The following COP1 variants were observed in gnomAD, a reference collection of about 807,000 sequenced individuals.
COP1 encodes the protein E3 ubiquitin-protein ligase COP1.
Under a neutral mutation model 101.3 loss-of-function variants are expected in COP1, and 24 were observed. The ratio of observed to expected loss-of-function variants is 0.24; its 90% CI spans 0.17 to 0.33. The LOEUF (loss-of-function observed/expected upper bound fraction) is 0.33. Among genes scored for constraint, COP1 ranks in the 10% least tolerant of loss-of-function variants. The pLI, the probability that COP1 is intolerant of heterozygous loss-of-function variation, is 1.00. For missense variants in COP1, 663 were observed against 906.2 expected (o/e 0.73, Z 3.45); for synonymous variants, 347 against 341.9 (o/e 1.01, Z -0.17).
chr1:176,043,146 C>A, intron 14 of COP1, 40 bp downstream of exon 14: 1 of 1,218,504 alleles, frequency 8.2e-7, no homozygotes, highest in Non-Finnish European at 1.2e-6. Flanking sequence ...TTAAGAGGGC[C>A]AGGGAGAAGG....
At position 176,022,344 on chromosome 1, in the gene COP1, G is replaced by A. The variant is rs114823654; in HGVS notation, c.1729+5228C>T. Among the ~76,000 whole-genome samples, 1,170 of 152,224 alleles carry A rather than the reference G, an allele frequency of 7.7e-3. 17 individuals carry two copies. Among genetic ancestry groups the A allele is most frequent in the African/African-American group, 0.026 (1,088 of 41,544 alleles). On this transcript the variant is annotated intron_variant, in intron 15 of 19. Transcript: ENST00000367669. The stretch of plus-strand genomic sequence containing the variant: ...AACAGGAAGTCAAACTATAATTGGT[G>A]GGTAGCTCATATACTAATTTTCTAC...
At chr1:175,981,242 G>C (rs1655782642) in intron 18 of COP1, among the ~76,000 whole-genome samples, 1 of 152,004 alleles carries the variant, frequency 6.6e-6, no homozygotes, top group Admixed American at 6.6e-5. Context: ...ATTTTCACTG[G>C]ATGTAGAATT....
At chr1:175,987,333 C>G (rs1300520446) in intron 17 of COP1, among the ~76,000 whole-genome samples, 2 of 152,122 alleles carry the variant, frequency 1.3e-5, no homozygotes, top group Non-Finnish European at 2.9e-5. Flanking sequence ...TACAACAATA[C>G]TGATAATTCT....
chr1:175,982,714 T>C (rs1656164666), intron 18 of COP1, among the ~76,000 whole-genome samples: 1 of 152,204 alleles, frequency 6.6e-6, no homozygotes, highest in Admixed American at 6.5e-5. Flanking sequence ...CTGTATATAA[T>C]GGAATACCAT....
intron 14 of COP1, among the ~76,000 whole-genome samples, chr1:176,037,530 A>G (rs1470804937): frequency 6.6e-6 from 1 of 152,040 alleles, no homozygotes; most frequent in Non-Finnish European, 1.5e-5. Flanking sequence ...AAAAAACAAC[A>G]AAAAAATTCA....
At chr1:175,978,320 A>C (rs1655043365) in intron 18 of COP1, among the ~76,000 whole-genome samples, 1 of 152,224 alleles carries the variant, frequency 6.6e-6, no homozygotes, top group South Asian at 2.1e-4. Context: ...TGAAAAATTT[A>C]AAATGTCAAC....
chr1:176,002,759 T>A (rs1330172351), intron 15 of COP1, among the ~76,000 whole-genome samples: 1 of 145,296 alleles, frequency 6.9e-6, no homozygotes, highest in Admixed American at 6.9e-5. Context: ...TCTATCATTG[T>A]TGGACATTTG....
At chr1:176,014,862 G>C (rs1665346728) in intron 15 of COP1, among the ~76,000 whole-genome samples, 1 of 152,082 alleles carries the variant, frequency 6.6e-6, no homozygotes, top group Non-Finnish European at 1.5e-5. Context: ...ATTATGCGCA[G>C]TTGTAAGGGA....
chr1:175,996,735 A>G (rs1310694364), intron 15 of COP1, among the ~76,000 whole-genome samples: 1 of 152,216 alleles, frequency 6.6e-6, no homozygotes, highest in African/African-American at 2.4e-5. Flanking sequence ...ACCACTGCTC[A>G]GTGAAATAAA....
intron 9 of COP1, among the ~76,000 whole-genome samples, chr1:176,098,804 G>A (rs1357525826): frequency 6.6e-6 from 1 of 152,020 alleles, no homozygotes; most frequent in East Asian, 1.9e-4. Context: ...TATTTAACAG[G>A]CTTCCCAAAA....
At chr1:176,019,577 A>G (rs6662293) in intron 15 of COP1, among the ~76,000 whole-genome samples, 148,249 of 150,532 alleles carry the variant, frequency 0.98, 73,053 homozygotes, top group East Asian at 1. Flanking sequence ...CATCACTAAC[A>G]GGGCCTGGCA....
intron 14 of COP1, among the ~76,000 whole-genome samples, chr1:176,031,761 T>C (rs1668680864): frequency 6.6e-6 from 1 of 152,182 alleles, no homozygotes; most frequent in African/African-American, 2.4e-5. Context: ...AACGTTAATG[T>C]GTAAAGTGTC....
In COP1 at chr1:176,155,566, C is replaced by T. The variant is rs191570436; in HGVS notation, c.763-6492G>A. Among the ~76,000 whole-genome samples the T allele has an allele frequency of 4.9e-4, 75 of 151,998 alleles. 1 individual carries two copies. Among genetic ancestry groups the T allele is most frequent in the African/African-American group, 1.8e-3 (73 of 41,520 alleles). ...AAAGGAAGGAGAGCAAAGGGCTGAACAAGTAATGGCTGACTATGTTCAAAA... is the reference window on the plus strand; with the variant it reads ...AAAGGAAGGAGAGCAAAGGGCTGAATAAGTAATGGCTGACTATGTTCAAAA... On this transcript the variant is annotated intron_variant, in intron 5 of 19. Transcript: ENST00000367669.
Position 176,195,433 on chromosome 1 carries a change from G to A in COP1, c.408-10741C>T, listed in dbSNP as rs143683297. On this transcript the variant is annotated intron_variant, in intron 1 of 19. Transcript: ENST00000367669. ...CAGTACAAGTATACAGAAAATGAAT[G>A]GGAGTATACTGAACTTAAATAACAC... 2.6e-3 allele frequency among the ~76,000 whole-genome samples: 399 copies of A among 152,192 alleles called. 3 individuals are homozygous for A. Among genetic ancestry groups the A allele is most frequent in the African/African-American group, 9.2e-3 (381 of 41,512 alleles).
intron 15 of COP1, among the ~76,000 whole-genome samples, chr1:176,025,844 C>A (rs781562680): frequency 6.6e-6 from 1 of 151,812 alleles, no homozygotes; most frequent in African/African-American, 2.4e-5. Flanking sequence ...GAGCTGTGAT[C>A]GTGCCACTGT....
In COP1 at chr1:176,091,300, T is replaced by C. The variant is rs191413708; in HGVS notation, c.1027-5410A>G. Among the ~76,000 whole-genome samples, 382 of 150,980 alleles carry C rather than the reference T, an allele frequency of 2.5e-3. 3 individuals are homozygous for C. Among genetic ancestry groups the C allele is most frequent in the African/African-American group, 8.9e-3 (364 of 41,058 alleles). ...TTGCAGAGAGCTGAGATCGTGCCAC[T>C]GTGCCACTGTACTCAAGCCTGGGCA... On this transcript the variant is annotated intron_variant, in intron 9 of 19. Transcript: ENST00000367669.
At position 176,081,265 on chromosome 1, in the gene COP1, C is replaced by A; in HGVS notation, c.1164G>T (p.Gln388His). ...RISDDSRTAS[Q>H]LDEFQECLSK... ...ACAAGCATTCCTGAAATTCATCCAACTGGCTTGCAGTTCGACTGTCATCTA... is the reference window on the plus strand; with the variant it reads ...ACAAGCATTCCTGAAATTCATCCAAATGGCTTGCAGTTCGACTGTCATCTA... Residue 388 changes from glutamine to histidine, a missense_variant, in exon 11 of 20, where the codon CAG (glutamine) becomes CAT (histidine). Physicochemically the swap from Gln to His is conservative, Grantham distance 24 (BLOSUM62 0). Coordinates refer to ENST00000367669, the MANE Select transcript of COP1 (RefSeq NM_022457.7). The A allele has an allele frequency of 1.3e-6, 2 of 1,599,052 alleles. No individual in the cohort carries two copies. Among genetic ancestry groups the A allele is most frequent in the Non-Finnish European group, 1.7e-6 (2 of 1,171,916 alleles).
chr1:175,997,635 A>G (rs944593840), intron 15 of COP1, among the ~76,000 whole-genome samples: 1 of 152,224 alleles, frequency 6.6e-6, no homozygotes, highest in Non-Finnish European at 1.5e-5. Context: ...GCAGCCAAAA[A>G]ACACATGAAA....
rs114608697 is a variant in COP1, at chr1:176,029,181, G to T, written c.1613-1493C>A. The stretch of plus-strand genomic sequence containing the variant: ...TTTATCTTTCAATTAAGAATTTCAT[G>T]ATTTTAAATTTTTATGTAGTAATTC... On this transcript the variant is annotated intron_variant, in intron 14 of 19. Transcript: ENST00000367669. Among the ~76,000 whole-genome samples, 541 of 152,208 alleles carry T rather than the reference G, an allele frequency of 3.6e-3. 2 individuals are homozygous for T. The highest frequency in any genetic ancestry group is 0.014 in the Middle Eastern group (4 of 294).
Sources: allele counts gnomAD v4.1 joint callset (sites outside exome capture counted in the v4.1 genomes callset), GRCh38; gene constraint gnomAD v4.1.1; transcripts MANE v1.5; gene names NCBI Gene and HGNC (gene_info 2026-07-23, HGNC 2026-07-21).